The following EVI5 variants were observed in gnomAD, a reference collection of about 807,000 sequenced individuals.
EVI5 encodes the protein ecotropic viral integration site 5 protein homolog.
Under a neutral mutation model 112.0 loss-of-function variants are expected in EVI5, and 73 were observed. That is an observed-to-expected ratio of 0.65 (90% CI 0.54 to 0.79). The LOEUF (loss-of-function observed/expected upper bound fraction) is 0.79. EVI5 is among the 30% of genes least tolerant of loss of function. EVI5 has a pLI of 0.00. For missense variants in EVI5, 900 were observed against 968.8 expected, an observed-to-expected ratio of 0.93 and a Z score of 0.94; for synonymous variants, 305 against 319.9, an observed-to-expected ratio of 0.95 and a Z score of 0.50.
intron 18 of EVI5, among the ~76,000 whole-genome samples, chr1:92,587,594 G>A (rs2101179894): frequency 6.6e-6 from 1 of 152,288 alleles, no homozygotes; most frequent in Middle Eastern, 3.4e-3. Context: ...TCTGAGCACA[G>A]TGATTTAAAC....
At chr1:92,693,934 C>T (rs1346836077) in intron 8 of EVI5, 35 bp from the exon 9 acceptor site, 13 of 1,229,938 alleles carry the variant, frequency 1.1e-5, no homozygotes, top group Non-Finnish European at 1.5e-5. Flanking sequence ...ATAAGAATGA[C>T]TTAGTGCTGT....
chr1:92,641,859 GT>G (rs1234654939), intron 13 of EVI5, among the ~76,000 whole-genome samples: 2 of 152,178 alleles, frequency 1.3e-5, no homozygotes, highest in Non-Finnish European at 2.9e-5. Flanking sequence ...GCCGGGAGCG[GT>G]GGTGCACGGT....
At chr1:92,772,167 A>G (rs1456703701) in intron 1 of EVI5, among the ~76,000 whole-genome samples, 1 of 151,934 alleles carries the variant, frequency 6.6e-6, no homozygotes, top group African/African-American at 2.4e-5. Context: ...ACTGTACCAG[A>G]ATAATCTTTC....
At chr1:92,736,723 T>A (rs1570677195) in intron 1 of EVI5, 96 bp from the exon 2 acceptor site, 1 of 836,458 alleles carries the variant, frequency 1.2e-6, no homozygotes, top group East Asian at 2.4e-5. Context: ...ATAACCATCA[T>A]CAGAATATTC....
chr1:92,740,779 A>G (rs1461043276), intron 1 of EVI5, among the ~76,000 whole-genome samples: 1 of 152,296 alleles, frequency 6.6e-6, no homozygotes, highest in Admixed American at 6.5e-5. Flanking sequence ...TTATTCCTGT[A>G]TTTCTTATAG....
rs911437342 is a variant in EVI5, at chr1:92,707,968, G to C, written c.150-3224C>G. Among the ~76,000 whole-genome samples, 4 of 152,236 alleles carry C rather than the reference G, an allele frequency of 2.6e-5. No homozygotes were observed. The East Asian group carries it at 7.7e-4, about 29-fold the overall frequency. On this transcript the variant is annotated intron_variant, in intron 2 of 19. Coordinates refer to ENST00000684568, the MANE Select transcript of EVI5 (RefSeq NM_001350197.2). ...TGCATCAACATGGATGAATCTGATA[G>C]ATGTTAGAACGAAAGAAGCCAGGTG... is the stretch of plus-strand genomic sequence containing the variant.
intron 1 of EVI5, among the ~76,000 whole-genome samples, chr1:92,768,785 G>A (rs905720110): frequency 3.3e-5 from 5 of 152,256 alleles, no homozygotes; most frequent in African/African-American, 1.2e-4. Context: ...TGAGGTGAGA[G>A]GACTGCTTGA....
chr1:92,722,246 T>C (rs1674867275), intron 2 of EVI5, among the ~76,000 whole-genome samples: 2 of 152,302 alleles, frequency 1.3e-5, no homozygotes, highest in African/African-American at 2.4e-5. Context: ...TATTATACTA[T>C]AGATCTCTTG....
chr1:92,666,539 G>A (rs983210988), intron 10 of EVI5, among the ~76,000 whole-genome samples: 13 of 136,592 alleles, frequency 9.5e-5, no homozygotes, highest in African/African-American at 3.6e-4. Flanking sequence ...AGCCGAGATT[G>A]GACCACTGTA....
At chr1:92,593,953 T>C (rs6659031) in intron 18 of EVI5, among the ~76,000 whole-genome samples, 140,289 of 152,288 alleles carry the variant, frequency 0.92, 64,707 homozygotes, top group East Asian at 0.97. Context: ...ATTCCATGCT[T>C]ATGGGTAGGA....
rs1349725261 is a variant in EVI5 at position 92,607,743 on chromosome 1, A to G, written c.1828-16T>C. 6.4e-7 allele frequency: 1 copy of G among 1,556,236 alleles called. No individual in the cohort carries two copies. On this transcript the variant is annotated splice_polypyrimidine_tract_variant and intron_variant, in intron 16 of 19. Transcript: ENST00000684568. ...TGATCTGGTTCTAATAATCAGAAAT[A>G]TAAATACTGAGACTATAGATACAAG...
intron 9 of EVI5, among the ~76,000 whole-genome samples, chr1:92,685,138 T>C (rs1052894007): frequency 5.9e-5 from 9 of 151,816 alleles, no homozygotes; most frequent in African/African-American, 2.2e-4. Context: ...ATTCCAAAAT[T>C]GACCACATAG....
At chr1:92,563,972 G>A (rs959057352) in intron 18 of EVI5, among the ~76,000 whole-genome samples, 4 of 152,096 alleles carry the variant, frequency 2.6e-5, no homozygotes, top group African/African-American at 9.7e-5. Flanking sequence ...AGGCTGGATG[G>A]AGTGCAACGG....
intron 2 of EVI5, chr1:92,732,383 AAAG>A (rs1244838542): frequency 3.4e-5 from 10 of 290,512 alleles, no homozygotes; most frequent in Non-Finnish European, 6.7e-5. Flanking sequence ...GACAGCAAGC[AAAG>A]AAGGGAAAGG....
chr1:92,684,167 C>G lies in EVI5; in HGVS notation c.1098-6949G>C, dbSNP rs564233845. On this transcript the variant is annotated intron_variant, in intron 9 of 19. Coordinates refer to ENST00000684568, the MANE Select transcript of EVI5 (RefSeq NM_001350197.2). ...CAGCCACAGAGAAAGGTCGGGTTAC[C>G]CACAAAGGGAAGCCCATCAGACTAA... Among the ~76,000 whole-genome samples the G allele has an allele frequency of 3.9e-5, 6 of 152,074 alleles. No individual in the cohort carries two copies. The East Asian group carries it at 1.2e-3, about 29-fold the overall frequency.
chr1:92,546,014 G>A (rs942644109), intron 19 of EVI5, among the ~76,000 whole-genome samples: 1 of 151,882 alleles, frequency 6.6e-6, no homozygotes, highest in African/African-American at 2.4e-5. Flanking sequence ...GGTGCCGTGT[G>A]ATTCTACTAC....
intron 1 of EVI5, among the ~76,000 whole-genome samples, chr1:92,737,315 G>GA (rs1285579731): frequency 1.3e-5 from 2 of 152,160 alleles, no homozygotes; most frequent in Non-Finnish European, 2.9e-5. Context: ...GGATGCCTAG[G>GA]AAAGAGTAGT....
At position 92,791,332 on chromosome 1, in the gene EVI5, G is replaced by A. The variant is rs867899836; in HGVS notation, c.51+1012C>T. ...AATTTCAAGTGTTCTTGCCAAAAAC[G>A]TGATCAACCCCTTTGAGCTCTTCAA... On this transcript the variant is annotated intron_variant, in intron 1 of 17. Transcript: ENST00000370331. 6.7e-4 allele frequency among the ~76,000 whole-genome samples: 102 copies of A among 152,224 alleles called. 1 individual carries two copies. Among genetic ancestry groups the A allele is most frequent in the African/African-American group, 2.3e-3 (94 of 41,548 alleles).
intron 19 of EVI5, among the ~76,000 whole-genome samples, chr1:92,519,826 G>A (rs938170279): frequency 6.6e-6 from 1 of 151,166 alleles, no homozygotes; most frequent in Non-Finnish European, 1.5e-5. Context: ...AACCCCAGAG[G>A]CAGAGTTTGC....
Sources: allele counts gnomAD v4.1 joint callset (sites outside exome capture counted in the v4.1 genomes callset), GRCh38; gene constraint gnomAD v4.1.1; transcripts MANE v1.5; gene names NCBI Gene and HGNC (gene_info 2026-07-23, HGNC 2026-07-21).